The following NXPH1 variants were observed in gnomAD, a reference collection of about 807,000 sequenced individuals.
NXPH1 encodes neurexophilin 1.
Under a neutral mutation model 23.7 loss-of-function variants are expected in NXPH1, and 5 were observed. The observed-to-expected ratio is 0.21, with a 90% CI of 0.11 to 0.44. NXPH1 has a LOEUF of 0.44. NXPH1 is among the 20% of genes least tolerant of loss of function. The probability of loss-of-function intolerance (pLI) is 0.99; values close to 1 mark genes in which losing one functional copy is unlikely to be tolerated. For missense variants in NXPH1, 324 were observed against 321.6 expected, an observed-to-expected ratio of 1.01 and a Z score of -0.06; for synonymous variants, 144 against 122.2, an observed-to-expected ratio of 1.18 and a Z score of -1.18.
chr7:8,455,250 G>A (rs184669575), intron 2 of NXPH1, among the ~76,000 whole-genome samples: 9 of 152,084 alleles, frequency 5.9e-5, no homozygotes, highest in East Asian at 3.8e-4. Context: ...TGTGGCATAC[G>A]GCTAAAAAGA....
chr7:8,502,590 T>C (rs1315104863), intron 2 of NXPH1, among the ~76,000 whole-genome samples: 2 of 151,630 alleles, frequency 1.3e-5, no homozygotes, highest in East Asian at 3.9e-4. Context: ...TAATGAGGGA[T>C]TGGCTAGTAA....
intron 2 of NXPH1, among the ~76,000 whole-genome samples, chr7:8,627,547 C>T (rs1043619581): frequency 2.0e-5 from 3 of 152,056 alleles, no homozygotes; most frequent in Non-Finnish European, 4.4e-5. Flanking sequence ...CACTAGTAGG[C>T]AGAATGCCAA....
chr7:8,435,577 G>A lies in NXPH1; in HGVS notation c.-110-27G>A. The A allele has an allele frequency of 1.3e-6, 1 of 776,978 alleles. No homozygotes were observed. Among genetic ancestry groups the A allele is most frequent in the Non-Finnish European group, 2.3e-6 (1 of 439,002 alleles). The allele number at this position is 776,978 out of a possible 1,614,324, so 48.1% of individuals were successfully genotyped here. A position where few individuals can be genotyped will look rare whatever the true frequency, so the allele number is the denominator to read the frequency against. ...AGCCTAACCTTGCCCGCGTAGTCATGGGATGTCTAATTTTATTTGCATCTA... is the reference window on the plus strand; with the variant it reads ...AGCCTAACCTTGCCCGCGTAGTCATAGGATGTCTAATTTTATTTGCATCTA... On this transcript the variant is annotated intron_variant, in intron 1 of 2. Coordinates refer to ENST00000405863, the MANE Select transcript of NXPH1 (RefSeq NM_152745.3). This position sits in a 1 kb window ranked among gnomAD's most constrained non-coding sequence, Gnocchi z 5.9.
intron 2 of NXPH1, among the ~76,000 whole-genome samples, chr7:8,494,030 G>T (rs1817296414): frequency 6.6e-6 from 1 of 151,970 alleles, no homozygotes; most frequent in Non-Finnish European, 1.5e-5. Flanking sequence ...AATTAGAAAA[G>T]TTCTTTCTTA....
intron 2 of NXPH1, among the ~76,000 whole-genome samples, chr7:8,722,049 C>CATTAGAGGGT (rs1257713313): frequency 6.6e-6 from 1 of 151,988 alleles, no homozygotes; most frequent in African/African-American, 2.4e-5. Context: ...GAGAGAACCT[C>CATTAGAGGGT]CAAAATACCA....
intron 2 of NXPH1, among the ~76,000 whole-genome samples, chr7:8,501,380 G>A (rs1362589928): frequency 6.6e-6 from 1 of 152,018 alleles, no homozygotes; most frequent in Non-Finnish European, 1.5e-5. Flanking sequence ...TGAGTGCCTG[G>A]ACACAGTGAT....
intron 2 of NXPH1, among the ~76,000 whole-genome samples, chr7:8,648,907 G>A (rs1269406092): frequency 3.3e-5 from 5 of 151,450 alleles, no homozygotes; most frequent in Non-Finnish European, 7.4e-5. Context: ...TTTCTAATTG[G>A]TATATCCTTG....
chr7:8,550,740 T>G (rs1482219350), intron 2 of NXPH1, among the ~76,000 whole-genome samples: 1 of 151,576 alleles, frequency 6.6e-6, no homozygotes, highest in Non-Finnish European at 1.5e-5. Context: ...TTGAACCACA[T>G]GCATCTGCAA....
rs142619907 is a variant in NXPH1, at chr7:8,735,366, T to A, written c.55-15642T>A. On this transcript the variant is annotated intron_variant, in intron 2 of 2. Transcript: ENST00000405863. ...TCTAGCATGAAGGGTTGAGTTTTATTGAAGGCCTTGAGCAGGTATTGAGAT... is the reference window on the plus strand; with the variant it reads ...TCTAGCATGAAGGGTTGAGTTTTATAGAAGGCCTTGAGCAGGTATTGAGAT... Among the ~76,000 whole-genome samples, 664 of 151,986 alleles carry A rather than the reference T, an allele frequency of 4.4e-3. 4 individuals carry two copies. The highest frequency in any genetic ancestry group is 0.014 in the African/African-American group (594 of 41,512).
chr7:8,674,672 A>C (rs1820920406), intron 2 of NXPH1, among the ~76,000 whole-genome samples: 1 of 152,192 alleles, frequency 6.6e-6, no homozygotes, highest in African/African-American at 2.4e-5. Context: ...CAGACTGGAA[A>C]AATGTGACCA....
At chr7:8,583,598 G>A (rs1328424694) in intron 2 of NXPH1, among the ~76,000 whole-genome samples, 2 of 152,190 alleles carry the variant, frequency 1.3e-5, no homozygotes. Flanking sequence ...GTGTTACACA[G>A]CACTTAGTGA....
chr7:8,684,523 G>T (rs1428488460), intron 2 of NXPH1, among the ~76,000 whole-genome samples: 3 of 152,294 alleles, frequency 2.0e-5, no homozygotes, highest in South Asian at 2.1e-4. Context: ...AAGAGAAAAT[G>T]CACGTCTCCT....
chr7:8,704,237 C>T (rs1779670474), intron 2 of NXPH1, among the ~76,000 whole-genome samples: 1 of 151,914 alleles, frequency 6.6e-6, no homozygotes, highest in Non-Finnish European at 1.5e-5. Context: ...CAGTGGTAGC[C>T]TAAATTCAAT....
chr7:8,673,665 G>C (rs1206393092), intron 2 of NXPH1, among the ~76,000 whole-genome samples: 1 of 152,114 alleles, frequency 6.6e-6, no homozygotes, highest in Non-Finnish European at 1.5e-5. Flanking sequence ...TAGTTTGTGT[G>C]TGTGTGCATG....
chr7:8,590,174 T>C (rs567881737), intron 2 of NXPH1, among the ~76,000 whole-genome samples: 1 of 152,172 alleles, frequency 6.6e-6, no homozygotes, highest in South Asian at 2.1e-4. Flanking sequence ...CACTAACATT[T>C]GGGGGCAAGC....
chr7:8,447,830 T>C (rs1251164877), intron 2 of NXPH1, among the ~76,000 whole-genome samples: 4 of 152,168 alleles, frequency 2.6e-5, no homozygotes, highest in African/African-American at 9.7e-5. Context: ...GAACAAGTGG[T>C]TAAAAGTGTG....
chr7:8,480,525 C>G (rs992250497), intron 2 of NXPH1, among the ~76,000 whole-genome samples: 10 of 152,154 alleles, frequency 6.6e-5, no homozygotes, highest in African/African-American at 2.4e-4. Context: ...AACAAGGTGA[C>G]ATAGGCTCGT....
chr7:8,565,830 G>A (rs1818535783), intron 2 of NXPH1, among the ~76,000 whole-genome samples: 1 of 151,746 alleles, frequency 6.6e-6, no homozygotes, highest in African/African-American at 2.4e-5. Context: ...CTATTTCTAT[G>A]ATTCCTGGTG....
chr7:8,646,821 T>C (rs1364221036), intron 2 of NXPH1, among the ~76,000 whole-genome samples: 1 of 151,700 alleles, frequency 6.6e-6, no homozygotes, highest in African/African-American at 2.4e-5. Context: ...TTAAATAAGG[T>C]TTACTTAATC....
Sources: allele counts gnomAD v4.1 joint callset (sites outside exome capture counted in the v4.1 genomes callset), GRCh38; gene constraint gnomAD v4.1.1; non-coding constraint Gnocchi (gnomAD v3.1); transcripts MANE v1.5; gene names NCBI Gene and HGNC (gene_info 2026-07-23, HGNC 2026-07-21).